JARID2: variants seen among roughly 807,000 people sequenced by gnomAD.
The protein encoded by JARID2 is jumonji and AT-rich interaction domain containing 2.
In JARID2, 21 loss-of-function variants were observed where a neutral mutation model predicts 125.6. The ratio of observed to expected loss-of-function variants is 0.17; its 90% CI spans 0.12 to 0.24. The LOEUF is 0.24. Ranked by LOEUF, JARID2 falls within the 10% of genes least tolerant of loss-of-function variation. The probability of loss-of-function intolerance (pLI) is 1.00; values close to 1 mark genes in which losing one functional copy is unlikely to be tolerated. For missense variants in JARID2, 1,303 were observed against 1,639.6 expected (o/e 0.79, Z 3.55); for synonymous variants, 736 against 661.6 (o/e 1.11, Z -1.73).
At chr6:15,402,009 A>G (rs1296409926) in intron 2 of JARID2, among the ~76,000 whole-genome samples, 1 of 151,854 alleles carries the variant, frequency 6.6e-6, no homozygotes, top group East Asian at 1.9e-4. Flanking sequence ...GTGAGGTAAT[A>G]AGGAAACAGG....
At chr6:15,448,420 A>G (rs1389753413) in intron 3 of JARID2, among the ~76,000 whole-genome samples, 3 of 152,102 alleles carry the variant, frequency 2.0e-5, no homozygotes, top group Non-Finnish European at 4.4e-5. Context: ...TTGTCGCTGC[A>G]CAATCTTCTC....
chr6:15,360,911 CTT>C (rs1272704371), intron 1 of JARID2, among the ~76,000 whole-genome samples: 1 of 152,198 alleles, frequency 6.6e-6, no homozygotes, highest in Non-Finnish European at 1.5e-5. Context: ...TCACTCCTGA[CTT>C]TTAAATCAAT....
At chr6:15,261,252 TC>T (rs1759860514) in intron 1 of JARID2, among the ~76,000 whole-genome samples, 1 of 152,144 alleles carries the variant, frequency 6.6e-6, no homozygotes, top group Non-Finnish European at 1.5e-5. Context: ...AGCTTGTTTT[TC>T]AGGACAGGCA....
intron 16 of JARID2, 29 bp downstream of exon 16, chr6:15,513,451 T>G: frequency 6.4e-7 from 1 of 1,569,156 alleles, no homozygotes; most frequent in South Asian, 1.2e-5. Context: ...GCCGGCGCCC[T>G]CGCATGTAGT....
chr6:15,476,061 G>A (rs978851748), intron 5 of JARID2, among the ~76,000 whole-genome samples: 36 of 152,138 alleles, frequency 2.4e-4, no homozygotes, highest in Admixed American at 6.5e-5. Context: ...TTGTATGCTC[G>A]AGCTGTTGAG....
chr6:15,490,282 C>T (rs1302428857), intron 6 of JARID2, among the ~76,000 whole-genome samples: 2 of 152,012 alleles, frequency 1.3e-5, no homozygotes, highest in Non-Finnish European at 2.9e-5. Flanking sequence ...TATTGTTCAG[C>T]TTAAAAGCAT....
At chr6:15,410,118 C>T in intron 2 of JARID2, 106 bp from the exon 3 acceptor site, 1 of 1,037,146 alleles carries the variant, frequency 9.6e-7, no homozygotes, top group South Asian at 2.0e-5. Flanking sequence ...TCTCTTCTAT[C>T]CACATTCTTG....
Position 15,479,372 on chromosome 6 carries a change from G to A in JARID2, c.671-7935G>A, listed in dbSNP as rs140367782. On this transcript the variant is annotated intron_variant, in intron 5 of 17. Transcript: ENST00000341776. ...ATAAAAGTCTTTTAATTTTAGTGTC[G>A]TATGTTAGCAGGAATATATGTAAGA... 4.4e-3 allele frequency among the ~76,000 whole-genome samples: 671 copies of A among 152,200 alleles called. 3 individuals carry two copies. Among genetic ancestry groups the A allele is most frequent in the Non-Finnish European group, 6.9e-3 (468 of 68,010 alleles).
At chr6:15,247,912 C>T (rs1196034066) in intron 1 of JARID2, 4 of 985,334 alleles carry the variant, frequency 4.1e-6, no homozygotes, top group African/African-American at 1.7e-5. Context: ...GTAGAAACTG[C>T]ACTGAGGCAA....
chr6:15,394,052 C>T (rs981813118), intron 2 of JARID2, among the ~76,000 whole-genome samples: 17 of 152,014 alleles, frequency 1.1e-4, no homozygotes, highest in African/African-American at 2.9e-4. Flanking sequence ...CTTCTACTTC[C>T]GAGGAATTTC....
intron 1 of JARID2, among the ~76,000 whole-genome samples, chr6:15,362,477 T>G (rs1379324888): frequency 6.6e-6 from 1 of 152,228 alleles, no homozygotes; most frequent in Non-Finnish European, 1.5e-5. Context: ...AGTATGCAGT[T>G]AGTAAACACT....
intron 1 of JARID2, among the ~76,000 whole-genome samples, chr6:15,287,122 CATCTCA>C: frequency 8.8e-6 from 1 of 113,582 alleles, no homozygotes; most frequent in African/African-American, 4.0e-5. Context: ...GTGAAACTCT[CATCTCA>C]AAAAAAAAGA....
chr6:15,260,203 C>T (rs1759818019), intron 1 of JARID2, among the ~76,000 whole-genome samples: 1 of 151,998 alleles, frequency 6.6e-6, no homozygotes, highest in African/African-American at 2.4e-5. Flanking sequence ...TGCAGGGGGC[C>T]AGGGAGGGTC....
At chr6:15,284,335 A>G (rs1760910361) in intron 1 of JARID2, among the ~76,000 whole-genome samples, 1 of 151,956 alleles carries the variant, frequency 6.6e-6, no homozygotes, top group African/African-American at 2.4e-5. Context: ...AAATGGTGTA[A>G]TTTTTCAAGT....
At chr6:15,269,851 A>C (rs1300076113) in intron 1 of JARID2, among the ~76,000 whole-genome samples, 2 of 152,190 alleles carry the variant, frequency 1.3e-5, no homozygotes, top group Admixed American at 6.5e-5. Context: ...GATACTTAGA[A>C]TTTACTTGAC....
At chr6:15,315,723 G>GT (rs1257235476) in intron 1 of JARID2, among the ~76,000 whole-genome samples, 3 of 152,180 alleles carry the variant, frequency 2.0e-5, no homozygotes, top group Admixed American at 2.0e-4. Flanking sequence ...GCCCAATTCT[G>GT]TTTTTTCAAG....
At chr6:15,364,988 G>A (rs1763924769) in intron 1 of JARID2, among the ~76,000 whole-genome samples, 1 of 152,156 alleles carries the variant, frequency 6.6e-6, no homozygotes, top group African/African-American at 2.4e-5. Flanking sequence ...GGCATTTGGG[G>A]ATTTTTTGGG....
intron 6 of JARID2, among the ~76,000 whole-genome samples, chr6:15,487,839 C>T (rs1338917098): frequency 3.5e-5 from 4 of 113,614 alleles, no homozygotes; most frequent in East Asian, 2.9e-4. Flanking sequence ...TCCAGATGAG[C>T]GGTAGAGTGG....
intron 2 of JARID2, among the ~76,000 whole-genome samples, chr6:15,390,619 G>A (rs534238328): frequency 6.6e-6 from 1 of 152,328 alleles, no homozygotes; most frequent in African/African-American, 2.4e-5. Flanking sequence ...GTAGGCAGTT[G>A]TTGACAGAGC....
Sources: allele counts gnomAD v4.1 joint callset (sites outside exome capture counted in the v4.1 genomes callset), GRCh38; gene constraint gnomAD v4.1.1; transcripts MANE v1.5; gene names NCBI Gene and HGNC (gene_info 2026-07-23, HGNC 2026-07-21).